MYBL2: variants seen among roughly 807,000 people sequenced by gnomAD.
The protein encoded by MYBL2 is myb-related protein B.
Under a neutral mutation model 79.9 loss-of-function variants are expected in MYBL2, and 28 were observed. The observed-to-expected ratio is 0.35, with a 90% CI of 0.26 to 0.48. The LOEUF is 0.48. MYBL2 is among the 20% of genes least tolerant of loss of function. The pLI is 0.99. For missense variants in MYBL2, 735 were observed against 893.9 expected (o/e 0.82, Z 2.27); for synonymous variants, 378 against 361.2 (o/e 1.05, Z -0.53).
intron 1 of MYBL2, among the ~76,000 whole-genome samples, chr20:43,671,462 C>CCTTT (rs1986853275): frequency 7.8e-6 from 1 of 128,620 alleles, no homozygotes; most frequent in South Asian, 2.5e-4. Context: ...GGCTGATTTC[C>CCTTT]ATTTTTTTTT....
At chr20:43,700,175 G>A in intron 7 of MYBL2, 131 bp downstream of exon 7, 2 of 1,270,802 alleles carry the variant, frequency 1.6e-6, no homozygotes, top group South Asian at 2.9e-5. Context: ...TGAATGCCTA[G>A]CCCTGACCCA....
At chr20:43,679,194 T>C (rs61475255) in intron 2 of MYBL2, among the ~76,000 whole-genome samples, 1,694 of 152,250 alleles carry the variant, frequency 0.011, 32 homozygotes, top group African/African-American at 0.039. Context: ...CCAGAGAATT[T>C]ATGGTGACTT....
chr20:43,710,564 G>A (rs1025740382), intron 10 of MYBL2, among the ~76,000 whole-genome samples: 2 of 152,214 alleles, frequency 1.3e-5, no homozygotes, highest in Non-Finnish European at 2.9e-5. Context: ...GAAAAAAGGA[G>A]TTGGCACCTT....
chr20:43,705,074 G>GTC (rs896574399), intron 8 of MYBL2, 145 bp from the exon 9 acceptor site: 1 of 997,858 alleles, frequency 1.0e-6, no homozygotes, highest in African/African-American at 1.6e-5. Flanking sequence ...GTTCTCGGGT[G>GTC]TCTGATGGGT....
At chr20:43,703,390 C>T (rs984725934) in intron 8 of MYBL2, among the ~76,000 whole-genome samples, 1 of 152,098 alleles carries the variant, frequency 6.6e-6, no homozygotes, top group South Asian at 2.1e-4. Flanking sequence ...ATAGCAATTG[C>T]GAAGTCACTG....
chr20:43,682,311 G>T (rs1004884501), intron 3 of MYBL2, among the ~76,000 whole-genome samples: 7 of 151,060 alleles, frequency 4.6e-5, no homozygotes, highest in Admixed American at 4.6e-4. Flanking sequence ...TCCTTCTCAG[G>T]CCCTCCCACC....
At chr20:43,671,185 G>A (rs1483920040) in intron 1 of MYBL2, among the ~76,000 whole-genome samples, 4 of 151,788 alleles carry the variant, frequency 2.6e-5, no homozygotes, top group Non-Finnish European at 5.9e-5. Flanking sequence ...AGTCTCGTCT[G>A]TCGCCCAGGC....
chr20:43,667,252 C>A lies in MYBL2; in HGVS notation c.-32C>A. On this transcript the variant is annotated 5_prime_UTR_variant, in exon 1 of 14. Transcript: ENST00000217026. ...TCCCGCTCCGGGCTCTGCCGGCGGG[C>A]GGGCGAGCGCGGCGCGGTCCGGGCC... 4.1e-6 allele frequency: 5 copies of A among 1,215,446 alleles called. No homozygotes were observed. Among genetic ancestry groups the A allele is most frequent in the Non-Finnish European group, 5.1e-6 (5 of 977,196 alleles). The allele number at this position is 1,215,446 out of a possible 1,614,324, so 75.3% of individuals were successfully genotyped here. A position where few individuals can be genotyped will look rare whatever the true frequency, so the allele number is the denominator to read the frequency against.
chr20:43,673,235 G>A (rs1164957845), intron 1 of MYBL2, among the ~76,000 whole-genome samples: 2 of 113,560 alleles, frequency 1.8e-5, no homozygotes, highest in African/African-American at 3.3e-5. Context: ...TTGAGCCACT[G>A]TGCCTGGCCT....
rs1325556638 is a variant in MYBL2, at chr20:43,715,884, C to T, written c.1975-75C>T. ...AGGGAGGCTTATAACTCTACCCTTC[C>T]CTGGCCAGGATCACCAGGGTCTGTT... On this transcript the variant is annotated intron_variant, in intron 13 of 13. Coordinates refer to ENST00000217026, the MANE Select transcript of MYBL2 (RefSeq NM_002466.4). The T allele has an allele frequency of 3.3e-6, 5 of 1,516,240 alleles. No individual in the cohort carries two copies. In the South Asian group the frequency reaches 5.2e-5, roughly 16 times the overall value. 93.9% of individuals were successfully genotyped at this position (1,516,240 alleles called of 1,614,324 possible).
At chr20:43,668,506 C>T (rs767160870) in intron 1 of MYBL2, among the ~76,000 whole-genome samples, 2 of 151,780 alleles carry the variant, frequency 1.3e-5, no homozygotes, top group Non-Finnish European at 2.9e-5. Context: ...GGCCAAACTT[C>T]GGTCCCTCTT....
chr20:43,686,380 C>T (rs914952201), intron 4 of MYBL2, among the ~76,000 whole-genome samples: 1 of 152,106 alleles, frequency 6.6e-6, no homozygotes, highest in Non-Finnish European at 1.5e-5. Context: ...TCAGCCTGTG[C>T]CCTCCCAATT....
chr20:43,703,307 G>A (rs1421593637), intron 8 of MYBL2, among the ~76,000 whole-genome samples: 2 of 152,216 alleles, frequency 1.3e-5, no homozygotes, highest in African/African-American at 4.8e-5. Flanking sequence ...GTCCTGGGAA[G>A]ACCTGGGATA....
intron 6 of MYBL2, among the ~76,000 whole-genome samples, chr20:43,698,204 A>T (rs188105710): frequency 1.5e-3 from 228 of 151,540 alleles, no homozygotes; most frequent in African/African-American, 5.4e-3. Context: ...TAATTTACAT[A>T]CAATAAAATT....
intron 4 of MYBL2, among the ~76,000 whole-genome samples, chr20:43,684,296 G>GGCGT (rs1395586186): frequency 6.6e-6 from 1 of 151,090 alleles, no homozygotes; most frequent in Admixed American, 6.6e-5. Flanking sequence ...GGAGTGCAAT[G>GGCGT]GCGTGATCTT....
intron 10 of MYBL2, among the ~76,000 whole-genome samples, chr20:43,710,469 C>T (rs1987880335): frequency 2.0e-5 from 3 of 152,188 alleles, no homozygotes; most frequent in South Asian, 4.1e-4. Context: ...ACGGGAAAGC[C>T]CCTCGGGGAC....
intron 12 of MYBL2, among the ~76,000 whole-genome samples, chr20:43,713,922 T>C (rs1987969543): frequency 6.6e-6 from 1 of 152,010 alleles, no homozygotes; most frequent in Non-Finnish European, 1.5e-5. Flanking sequence ...GGGGAGGCGG[T>C]GAGAGGCATG....
chr20:43,677,669 T>C (rs6130432), intron 2 of MYBL2, among the ~76,000 whole-genome samples: 136,027 of 150,996 alleles, frequency 0.9, 61,627 homozygotes, highest in African/African-American at 0.97. Flanking sequence ...CCGCCCCGAC[T>C]GGGAGGGAGG....
At chr20:43,712,730 G>A (rs989707410) in intron 11 of MYBL2, among the ~76,000 whole-genome samples, 5 of 152,152 alleles carry the variant, frequency 3.3e-5, no homozygotes, top group African/African-American at 7.2e-5. Context: ...AGGTCACTTC[G>A]TGGTGGAGGT....
Sources: gnomAD v4.1 joint callset for allele counts (sites outside exome capture counted in the v4.1 genomes callset) on GRCh38, gnomAD v4.1.1 for gene constraint, MANE v1.5 for transcripts, NCBI Gene and HGNC (gene_info 2026-07-23, HGNC 2026-07-21) for gene names.